PRPSAP2: variants seen among roughly 807,000 people sequenced by gnomAD.
PRPSAP2 encodes phosphoribosyl pyrophosphate synthetase associated protein 2, also known as phosphoribosyl pyrophosphate synthase-associated protein 2.
PRPSAP2 carries 24 observed loss-of-function variants against 40.6 expected under a neutral mutation model. That is an observed-to-expected ratio of 0.59 (90% CI 0.43 to 0.83). The LOEUF (loss-of-function observed/expected upper bound fraction) is 0.83, where lower values mean the gene tolerates loss of function less well. Ranked by LOEUF, PRPSAP2 falls within the 40% of genes least tolerant of loss-of-function variation. PRPSAP2 has a pLI of 0.00. For synonymous variants in PRPSAP2, 149 were observed against 164.7 expected (o/e 0.90, Z 0.73); for missense variants, 292 against 465.6 (o/e 0.63, Z 3.43).
intron 9 of PRPSAP2, among the ~76,000 whole-genome samples, chr17:18,920,157 G>C (rs1597749856): frequency 6.6e-6 from 1 of 152,194 alleles, no homozygotes; most frequent in East Asian, 1.9e-4. Context: ...CCATGCCCGG[G>C]AGCATGGAAG....
intron 7 of PRPSAP2, among the ~76,000 whole-genome samples, chr17:18,887,778 C>T (rs2039271732): frequency 6.6e-6 from 1 of 151,930 alleles, no homozygotes; most frequent in African/African-American, 2.4e-5. Flanking sequence ...TTCTTTAGAC[C>T]ATAATAACTT....
chr17:18,901,851 G>A (rs2040288853), intron 8 of PRPSAP2, among the ~76,000 whole-genome samples: 1 of 152,094 alleles, frequency 6.6e-6, no homozygotes, highest in Non-Finnish European at 1.5e-5. Context: ...GTACAACCAC[G>A]GCTCACTGTA....
intron 10 of PRPSAP2, among the ~76,000 whole-genome samples, chr17:18,924,768 CA>C (rs869181375): frequency 0.15 from 12,963 of 84,750 alleles, 689 homozygotes; most frequent in African/African-American, 0.25. Context: ...GGCTGTGTCT[CA>C]AAAAAAAAAA....
chr17:18,916,397 C>T (rs1488431225), intron 9 of PRPSAP2, among the ~76,000 whole-genome samples: 1 of 141,212 alleles, frequency 7.1e-6, no homozygotes, highest in Admixed American at 7.1e-5. Context: ...TTTTTTGAGA[C>T]GGAATTTCGC....
intron 9 of PRPSAP2, among the ~76,000 whole-genome samples, chr17:18,920,313 C>T (rs1597750946): frequency 1.3e-5 from 2 of 152,260 alleles, no homozygotes; most frequent in Middle Eastern, 3.4e-3. Context: ...ACTGCAGACA[C>T]TGAACTACAG....
At chr17:18,866,841 G>A (rs1464708732) in intron 3 of PRPSAP2, among the ~76,000 whole-genome samples, 1 of 152,210 alleles carries the variant, frequency 6.6e-6, no homozygotes, top group Non-Finnish European at 1.5e-5. Flanking sequence ...GGGGCAGGTT[G>A]TTCTGCTTTA....
chr17:18,894,412 G>A (rs2039779954), intron 8 of PRPSAP2, among the ~76,000 whole-genome samples: 1 of 151,398 alleles, frequency 6.6e-6, no homozygotes, highest in African/African-American at 2.4e-5. Context: ...GCCTGCCTCG[G>A]CATCCCAAAG....
chr17:18,921,623 T>G (rs959693727), intron 9 of PRPSAP2, among the ~76,000 whole-genome samples: 1 of 152,082 alleles, frequency 6.6e-6, no homozygotes, highest in African/African-American at 2.4e-5. Context: ...TGTCTGGAGA[T>G]AGTTTTGATT....
At chr17:18,910,084 G>GT (rs755253472) in intron 8 of PRPSAP2, among the ~76,000 whole-genome samples, 1 of 152,122 alleles carries the variant, frequency 6.6e-6, no homozygotes, top group African/African-American at 2.4e-5. Context: ...CTATTGATAT[G>GT]TTATTCCATG....
At chr17:18,893,097 T>C (rs1309722945) in intron 8 of PRPSAP2, among the ~76,000 whole-genome samples, 1 of 152,100 alleles carries the variant, frequency 6.6e-6, no homozygotes, top group Non-Finnish European at 1.5e-5. Flanking sequence ...CTTTTCACTG[T>C]CTTGATGGTG....
chr17:18,897,484 G>C (rs758557189), intron 8 of PRPSAP2, among the ~76,000 whole-genome samples: 33 of 77,696 alleles, frequency 4.2e-4, no homozygotes, highest in Non-Finnish European at 6.5e-4. Context: ...TTGTTTAGAC[G>C]GATTTTTATA....
intron 9 of PRPSAP2, among the ~76,000 whole-genome samples, chr17:18,914,123 G>C (rs1168854102): frequency 6.6e-6 from 1 of 150,924 alleles, no homozygotes; most frequent in Non-Finnish European, 1.5e-5. Context: ...GCAGTGAGCT[G>C]AGATCCAAGA....
chr17:18,897,391 T>C (rs937253312), intron 8 of PRPSAP2, among the ~76,000 whole-genome samples: 1 of 152,168 alleles, frequency 6.6e-6, no homozygotes, highest in Admixed American at 6.6e-5. Flanking sequence ...CTTTCTTTCA[T>C]GGAGGAGCAG....
At chr17:18,922,002 C>T (rs2041713346) in intron 9 of PRPSAP2, among the ~76,000 whole-genome samples, 1 of 152,236 alleles carries the variant, frequency 6.6e-6, no homozygotes, top group Non-Finnish European at 1.5e-5. Context: ...CCCCCAGCCC[C>T]TGGCAACCAC....
In PRPSAP2 at chr17:18,866,093, C is replaced by CT. The variant is rs531524791; in HGVS notation, c.119+149dup. The CT allele has an allele frequency of 1.3e-3, 710 of 562,924 alleles. 5 individuals carry two copies. In the African/African-American group the frequency reaches 0.013, roughly 10 times the overall value. 34.9% of individuals were successfully genotyped at this position (562,924 alleles called of 1,614,324 possible). A position where few individuals can be genotyped will look rare whatever the true frequency, so the allele number is the denominator to read the frequency against. On this transcript the variant is annotated intron_variant, in intron 3 of 11. Coordinates refer to ENST00000268835, the MANE Select transcript of PRPSAP2 (RefSeq NM_002767.4). Reference sequence around the variant, plus strand: ...ATTATATCTTTTTTTCATCATGTATCTTTTTTTTCATCATGCAAGATGTTC... The same window carrying CT: ...ATTATATCTTTTTTTCATCATGTATCTTTTTTTTTCATCATGCAAGATGTTC...
At chr17:18,891,254 A>G (rs561197082) in intron 8 of PRPSAP2, among the ~76,000 whole-genome samples, 2 of 152,350 alleles carry the variant, frequency 1.3e-5, no homozygotes, top group South Asian at 2.1e-4. Context: ...AGTATTTCAC[A>G]TAAGTCATTG....
intron 8 of PRPSAP2, among the ~76,000 whole-genome samples, chr17:18,899,520 T>TTTTTTTTA (rs2040134493): frequency 5.9e-5 from 1 of 16,852 alleles, no homozygotes; most frequent in Non-Finnish European, 1.5e-4. Context: ...TCCAACTGAG[T>TTTTTTTTA]TTTTTTTTTT....
intron 8 of PRPSAP2, chr17:18,908,889 C>A: frequency 2.0e-6 from 1 of 501,416 alleles, no homozygotes. Flanking sequence ...ATTTCCTTTT[C>A]CTCCCTTTCC....
rs71155371 is a variant in PRPSAP2, at chr17:18,909,240, C to CT, written c.585-1844dup. Among the ~76,000 whole-genome samples, 694 of 95,912 alleles carry CT rather than the reference C, an allele frequency of 7.2e-3. 13 individuals carry two copies. Among genetic ancestry groups the CT allele is most frequent in the African/African-American group, 0.017 (454 of 25,988 alleles). 62.9% of individuals were successfully genotyped at this position (95,912 alleles called of 152,430 possible). A position where few individuals can be genotyped will look rare whatever the true frequency, so the allele number is the denominator to read the frequency against. ...TAACCACTTTGGAAAACAGTGTGGCCTTTTTTTTTTTTTTTTTTTGAGATG... is the reference window on the plus strand; with the variant it reads ...TAACCACTTTGGAAAACAGTGTGGCCTTTTTTTTTTTTTTTTTTTTGAGATG... On this transcript the variant is annotated intron_variant, in intron 8 of 11. Coordinates refer to ENST00000268835, the MANE Select transcript of PRPSAP2 (RefSeq NM_002767.4).
Sources: allele counts gnomAD v4.1 joint callset (sites outside exome capture counted in the v4.1 genomes callset), GRCh38; gene constraint gnomAD v4.1.1; transcripts MANE v1.5; gene names NCBI Gene and HGNC (gene_info 2026-07-23, HGNC 2026-07-21).